PDE4D: variants seen among roughly 807,000 people sequenced by gnomAD.
PDE4D encodes 3',5'-cyclic-AMP phosphodiesterase 4D.
Under a neutral mutation model 87.4 loss-of-function variants are expected in PDE4D, and 24 were observed. That is an observed-to-expected ratio of 0.27 (90% CI 0.20 to 0.39). PDE4D has a LOEUF of 0.39. Ranked by LOEUF, PDE4D falls within the 10% of genes least tolerant of loss-of-function variation. The pLI, the probability that PDE4D is intolerant of heterozygous loss-of-function variation, is 1.00. For missense variants in PDE4D, 714 were observed against 1,041.0 expected (o/e 0.69, Z 4.32); for synonymous variants, 384 against 383.2 (o/e 1.00, Z -0.02).
chr5:59,599,924 C>T (rs1218226232), intron 1 of PDE4D, among the ~76,000 whole-genome samples: 1 of 152,196 alleles, frequency 6.6e-6, no homozygotes, highest in Non-Finnish European at 1.5e-5. Context: ...GATGGCATCA[C>T]ATGTTGGAGA....
intron 2 of PDE4D, among the ~76,000 whole-genome samples, chr5:60,046,011 T>G (rs1433251698): frequency 6.6e-6 from 1 of 152,202 alleles, no homozygotes; most frequent in African/African-American, 2.4e-5. Flanking sequence ...GGAATATTCT[T>G]CCATTTGTTT....
At chr5:59,670,330 T>A (rs1746978887) in intron 1 of PDE4D, among the ~76,000 whole-genome samples, 1 of 152,196 alleles carries the variant, frequency 6.6e-6, no homozygotes, top group Non-Finnish European at 1.5e-5. Flanking sequence ...TTAAGCATCA[T>A]TAATCTGAAA....
At chr5:59,602,191 G>C (rs576641768) in intron 1 of PDE4D, among the ~76,000 whole-genome samples, 41 of 152,030 alleles carry the variant, frequency 2.7e-4, no homozygotes, top group African/African-American at 9.6e-4. Context: ...TTCAATAGAC[G>C]CAGAAAAAGC....
chr5:59,393,642 C>T (rs1482716208), intron 1 of PDE4D, among the ~76,000 whole-genome samples: 1 of 152,162 alleles, frequency 6.6e-6, no homozygotes, highest in Non-Finnish European at 1.5e-5. Flanking sequence ...CTGACTTTGC[C>T]TTTCCAAACA....
intron 1 of PDE4D, among the ~76,000 whole-genome samples, chr5:60,287,509 T>C (rs1409545444): frequency 6.6e-6 from 1 of 152,214 alleles, no homozygotes; most frequent in Non-Finnish European, 1.5e-5. Context: ...CTTAGTTTAG[T>C]ATCTTGTATA....
chr5:59,881,931 T>C (rs1037106741), intron 1 of PDE4D, among the ~76,000 whole-genome samples: 1 of 152,130 alleles, frequency 6.6e-6, no homozygotes, highest in African/African-American at 2.4e-5. Flanking sequence ...AAAACACTAA[T>C]GGGTGTGGAG....
chr5:60,458,030 G>C (rs191171182), intron 1 of PDE4D, among the ~76,000 whole-genome samples: 3 of 152,100 alleles, frequency 2.0e-5, no homozygotes, highest in Non-Finnish European at 2.9e-5. Flanking sequence ...GTTGCTACTG[G>C]ACAGTTTCTA....
chr5:60,029,064 T>C (rs563212135), intron 2 of PDE4D, among the ~76,000 whole-genome samples: 94 of 152,382 alleles, frequency 6.2e-4, no homozygotes, highest in African/African-American at 1.9e-3. Context: ...GCCATTGTTA[T>C]TTTTGTTTTG....
intron 1 of PDE4D, among the ~76,000 whole-genome samples, chr5:60,220,164 T>C (rs1217659017): frequency 6.6e-6 from 1 of 152,044 alleles, no homozygotes; most frequent in Non-Finnish European, 1.5e-5. Flanking sequence ...TGGGGGCGGT[T>C]TGCTTGCAGC....
chr5:59,336,156 C>T (rs575721938), intron 1 of PDE4D, among the ~76,000 whole-genome samples: 1 of 152,276 alleles, frequency 6.6e-6, no homozygotes, highest in East Asian at 1.9e-4. Flanking sequence ...TATCTTGCTG[C>T]CTGGAATTGG....
At chr5:60,513,963 AAG>A (rs1369348683) in intron 1 of PDE4D, among the ~76,000 whole-genome samples, 1 of 151,212 alleles carries the variant, frequency 6.6e-6, no homozygotes, top group Non-Finnish European at 1.5e-5. Context: ...TCCAAAGAAA[AAG>A]AAGAAATGAA....
intron 2 of PDE4D, among the ~76,000 whole-genome samples, chr5:60,035,022 G>A (rs1404401378): frequency 1.3e-5 from 2 of 152,172 alleles, no homozygotes; most frequent in African/African-American, 4.8e-5. Flanking sequence ...TTGGGAGGCT[G>A]AGGCGGGAGG....
intron 1 of PDE4D, among the ~76,000 whole-genome samples, chr5:59,851,922 C>G (rs1223670147): frequency 6.6e-6 from 1 of 152,070 alleles, no homozygotes; most frequent in Non-Finnish European, 1.5e-5. Context: ...TTGGTTTCAA[C>G]CTCGAGCTAA....
Position 59,986,728 on chromosome 5 carries a change from A to G in PDE4D, c.272+1760T>C, listed in dbSNP as rs985224698. 5 of 152,298 alleles carry G rather than the reference A, an allele frequency of 3.3e-5. No homozygotes were observed. In the East Asian group the frequency reaches 9.7e-4, roughly 29 times the overall value. 9.4% of individuals were successfully genotyped at this position (152,298 alleles called of 1,614,324 possible). The stretch of plus-strand genomic sequence containing the variant: ...ATTCTCTAAATGGTAAGACTGGCTC[A>G]ATTTGCCTAAACTGTCTGTGCAAAT... On this transcript the variant is annotated intron_variant, in intron 3 of 16. Transcript: ENST00000502484.
intron 1 of PDE4D, among the ~76,000 whole-genome samples, chr5:59,599,559 G>A (rs1455996849): frequency 3.9e-5 from 6 of 152,032 alleles, no homozygotes; most frequent in Non-Finnish European, 1.5e-5. Flanking sequence ...TATTTATAAA[G>A]AACATCTTAT....
chr5:60,028,450 C>T (rs1164164261), intron 2 of PDE4D, among the ~76,000 whole-genome samples: 1 of 152,132 alleles, frequency 6.6e-6, no homozygotes, highest in East Asian at 1.9e-4. Flanking sequence ...TCATTGTTTG[C>T]CTAAACTATT....
intron 5 of PDE4D, chr5:59,039,454 G>C (rs1006915423): frequency 3.0e-6 from 3 of 993,250 alleles, no homozygotes; most frequent in Non-Finnish European, 3.6e-6. Context: ...CGCCTGCCGA[G>C]CCTTCTGCAC....
intron 2 of PDE4D, among the ~76,000 whole-genome samples, chr5:60,087,728 A>G (rs1774688504): frequency 6.6e-6 from 1 of 152,098 alleles, no homozygotes; most frequent in African/African-American, 2.4e-5. Flanking sequence ...GAATTTAAAA[A>G]AAGAGTAAAG....
intron 3 of PDE4D, among the ~76,000 whole-genome samples, chr5:59,978,505 G>A (rs931548791): frequency 3.3e-5 from 5 of 152,140 alleles, no homozygotes; most frequent in Admixed American, 2.0e-4. Flanking sequence ...GAAAGAATGA[G>A]GAGTTGTTTC....
Sources: allele counts gnomAD v4.1 joint callset (sites outside exome capture counted in the v4.1 genomes callset), GRCh38; gene constraint gnomAD v4.1.1; transcripts MANE v1.5; gene names NCBI Gene and HGNC (gene_info 2026-07-23, HGNC 2026-07-21).